Variants in WDR45B observed in about 807,000 individuals in gnomAD.
WDR45B encodes the protein WD repeat domain phosphoinositide-interacting protein 3.
In WDR45B, 20 loss-of-function variants were observed where a neutral mutation model predicts 44.6. The observed-to-expected ratio is 0.45, with a 90% CI of 0.32 to 0.65. WDR45B has a LOEUF of 0.65. Ranked by LOEUF, WDR45B falls within the 30% of genes least tolerant of loss-of-function variation. The probability of loss-of-function intolerance (pLI) is 0.05; values close to 1 mark genes in which losing one functional copy is unlikely to be tolerated. For synonymous variants in WDR45B, 169 were observed against 164.9 expected, an observed-to-expected ratio of 1.02 and a Z score of -0.19; for missense variants, 323 against 430.2, an observed-to-expected ratio of 0.75 and a Z score of 2.20.
chr17:82,621,041 C>T (rs1210599052), intron 6 of WDR45B, among the ~76,000 whole-genome samples: 1 of 145,928 alleles, frequency 6.9e-6, no homozygotes, highest in Non-Finnish European at 1.5e-5. Context: ...TGGATGTGGA[C>T]GTATTTTTGT....
At chr17:82,641,515 T>C (rs2045915363) in intron 2 of WDR45B, among the ~76,000 whole-genome samples, 1 of 152,158 alleles carries the variant, frequency 6.6e-6, no homozygotes, top group South Asian at 2.1e-4. Context: ...CTTCTCCACC[T>C]GATTGTGGGT....
chr17:82,625,511 C>A (rs2045683605), intron 4 of WDR45B, 28 bp from the exon 5 acceptor site: 1 of 1,608,800 alleles, frequency 6.2e-7, no homozygotes. Flanking sequence ...ATCAGAGTTG[C>A]TTTCCTCAAG....
Position 82,621,804 on chromosome 17 carries a change from G to A in WDR45B, c.428-5C>T, listed in dbSNP as rs752342285. 6.8e-6 allele frequency: 11 copies of A among 1,613,848 alleles called. No homozygotes were observed. Among genetic ancestry groups the A allele is most frequent in the East Asian group, 4.5e-5 (2 of 44,888 alleles). On this transcript the variant is annotated splice_region_variant and splice_polypyrimidine_tract_variant and intron_variant, in intron 5 of 9. Transcript: ENST00000392325. Reference sequence around the variant, plus strand: ...TGGGACAAAGGACACAGAGGCCTGCGTGGAGACAGAGGACACCAATCAAGA... The same window carrying A: ...TGGGACAAAGGACACAGAGGCCTGCATGGAGACAGAGGACACCAATCAAGA...
chr17:82,647,828 G>A (rs574203637), intron 1 of WDR45B, among the ~76,000 whole-genome samples: 5 of 152,070 alleles, frequency 3.3e-5, no homozygotes, highest in East Asian at 3.9e-4. Flanking sequence ...AAGGAACAGG[G>A]GGCAAAACGG....
intron 2 of WDR45B, among the ~76,000 whole-genome samples, chr17:82,641,266 G>A (rs1048893860): frequency 3.3e-5 from 5 of 152,048 alleles, no homozygotes; most frequent in Admixed American, 6.6e-5. Context: ...CGTGCGGGCC[G>A]TCAAACTCAT....
chr17:82,627,342 C>T (rs764308940), intron 3 of WDR45B, 51 bp from the exon 4 acceptor site: 2 of 1,477,366 alleles, frequency 1.4e-6, no homozygotes, highest in African/African-American at 1.4e-5. Context: ...GGCCATGGCG[C>T]TGGGATGCAG....
chr17:82,627,386 TC>T, intron 3 of WDR45B, 95 bp from the exon 4 acceptor site: 1 of 1,048,772 alleles, frequency 9.5e-7, no homozygotes, highest in Non-Finnish European at 1.5e-6. Flanking sequence ...TGTTTTCTCT[TC>T]CCACTGGCAC....
At chr17:82,631,165 T>A in intron 2 of WDR45B, 143 bp from the exon 3 acceptor site, 1 of 748,728 alleles carries the variant, frequency 1.3e-6, no homozygotes, top group Non-Finnish European at 2.2e-6. Context: ...TTGCCCAGGC[T>A]GGAATGCAGT....
intron 1 of WDR45B, among the ~76,000 whole-genome samples, chr17:82,647,972 T>C (rs2143403089): frequency 7.1e-6 from 1 of 140,554 alleles, no homozygotes; most frequent in South Asian, 2.8e-4. Context: ...TTCTGTGCCG[T>C]CTCCCACCGA....
chr17:82,623,517 T>C (rs551461478), intron 5 of WDR45B, among the ~76,000 whole-genome samples: 3 of 151,292 alleles, frequency 2.0e-5, no homozygotes, highest in African/African-American at 7.3e-5. Context: ...CTGGCCAACA[T>C]GGTAAAACCC....
intron 2 of WDR45B, among the ~76,000 whole-genome samples, chr17:82,642,397 AT>A (rs2045929241): frequency 6.6e-6 from 1 of 152,206 alleles, no homozygotes; most frequent in African/African-American, 2.4e-5. Context: ...TCCCGAAACC[AT>A]CCCCCTATGA....
intron 5 of WDR45B, among the ~76,000 whole-genome samples, chr17:82,623,970 G>A (rs1211390608): frequency 3.3e-5 from 5 of 152,072 alleles, no homozygotes; most frequent in African/African-American, 1.2e-4. Flanking sequence ...TGAGACGCAA[G>A]GGGACACAGC....
At chr17:82,620,245 C>A (rs1016168532) in intron 6 of WDR45B, among the ~76,000 whole-genome samples, 3 of 152,170 alleles carry the variant, frequency 2.0e-5, no homozygotes, top group African/African-American at 7.2e-5. Context: ...GCCAGCCTGA[C>A]CAACATGGTG....
chr17:82,635,868 C>A (rs1297657482), intron 2 of WDR45B, among the ~76,000 whole-genome samples: 5 of 151,822 alleles, frequency 3.3e-5, no homozygotes, highest in Non-Finnish European at 5.9e-5. Context: ...GCAGGTGGAT[C>A]CCTCAGGTCG....
In WDR45B at chr17:82,621,631, C is replaced by G; in HGVS notation, c.596G>C (p.Arg199Thr). 1 of 1,614,220 alleles carries G rather than the reference C, an allele frequency of 6.2e-7. No homozygotes were observed. The highest frequency in any genetic ancestry group is 8.5e-7 in the Non-Finnish European group (1 of 1,180,048). Residue 199 changes from arginine (R) to threonine (T), a missense_variant, in exon 6 of 10, where the codon AGA becomes ACA. Coordinates refer to ENST00000392325, the MANE Select transcript of WDR45B (RefSeq NM_019613.4). ...TACTTTCTCGGATGCAGTTGCAATT[C>G]TTGTTCCCTGCAGGTTGAGTGCAAT... ...SCIALNLQGT[R>T]IATASEKGTL...
chr17:82,638,842 G>C (rs117328936), intron 2 of WDR45B, among the ~76,000 whole-genome samples: 1,885 of 151,834 alleles, frequency 0.012, 23 homozygotes, highest in Middle Eastern at 0.027. Context: ...TACTTTTTTT[G>C]AGACAGAGTC....
In WDR45B at chr17:82,640,455, A is replaced by G. The variant is rs370595039; in HGVS notation, c.142+3494T>C. Among the ~76,000 whole-genome samples, 6 of 151,642 alleles carry G rather than the reference A, an allele frequency of 4.0e-5. No individual in the cohort carries two copies. The East Asian group carries it at 7.8e-4, about 20-fold the overall frequency. On this transcript the variant is annotated intron_variant, in intron 2 of 9. Transcript: ENST00000392325. ...AACCTCCGACTCCCTGGTTCAAGCA[A>G]TTCTCCTGCCTCAGCCTCCCGAGTA...
chr17:82,618,900 C>T (rs2045575075), intron 7 of WDR45B, 143 bp downstream of exon 7: 3 of 730,470 alleles, frequency 4.1e-6, no homozygotes, highest in Non-Finnish European at 7.4e-6. Flanking sequence ...TGAAACCCAA[C>T]CCCCTAGCAG....
At chr17:82,640,353 CTT>C (rs1185316610) in intron 2 of WDR45B, among the ~76,000 whole-genome samples, 27 of 140,110 alleles carry the variant, frequency 1.9e-4, no homozygotes, top group Non-Finnish European at 2.2e-4. Flanking sequence ...GGATTTTTTT[CTT>C]TTTTTTTTTT....
Sources: allele counts gnomAD v4.1 joint callset (sites outside exome capture counted in the v4.1 genomes callset), GRCh38; gene constraint gnomAD v4.1.1; transcripts MANE v1.5; gene names NCBI Gene and HGNC (gene_info 2026-07-23, HGNC 2026-07-21).